The following EPS15 variants were observed in gnomAD, a reference collection of about 807,000 sequenced individuals.
The protein encoded by EPS15 is epidermal growth factor receptor pathway substrate 15.
EPS15 carries 72 observed loss-of-function variants against 113.8 expected under a neutral mutation model. That is an observed-to-expected ratio of 0.63 (90% CI 0.52 to 0.77). EPS15 has a LOEUF of 0.77. Ranked by LOEUF, EPS15 falls within the 30% of genes least tolerant of loss-of-function variation. The probability of loss-of-function intolerance (pLI) is 0.00; values close to 1 mark genes in which losing one functional copy is unlikely to be tolerated. For synonymous variants in EPS15, 344 were observed against 363.4 expected, an observed-to-expected ratio of 0.95 and a Z score of 0.61; for missense variants, 1,048 against 1,045.8, an observed-to-expected ratio of 1.00 and a Z score of -0.03.
In EPS15 at chr1:51,356,571, T is replaced by C. The variant is rs1646222547; in HGVS notation, c.*129A>G. 4.1e-6 allele frequency: 3 copies of C among 728,660 alleles called. No individual in the cohort carries two copies. Among genetic ancestry groups the C allele is most frequent in the East Asian group, 3.1e-5 (1 of 32,008 alleles). 45.1% of individuals were successfully genotyped at this position (728,660 alleles called of 1,614,324 possible). ...AGAAAAAAAAAAAATCCTAAAATTTTGTCACATTTACAGGAATCTCAAACC... is the reference window on the plus strand; with the variant it reads ...AGAAAAAAAAAAAATCCTAAAATTTCGTCACATTTACAGGAATCTCAAACC... On this transcript the variant is annotated 3_prime_UTR_variant, in exon 25 of 25. Transcript: ENST00000371733.
intron 12 of EPS15, among the ~76,000 whole-genome samples, chr1:51,428,994 C>T (rs1651470714): frequency 6.6e-6 from 1 of 152,186 alleles, no homozygotes; most frequent in African/African-American, 2.4e-5. Context: ...TGGCCTCAGG[C>T]AGTCCTCCCG....
At chr1:51,363,778 A>T in intron 23 of EPS15, 88 bp downstream of exon 23, 1 of 1,254,450 alleles carries the variant, frequency 8.0e-7, no homozygotes. Context: ...TTTCACTTAA[A>T]GCCATTTATA....
At chr1:51,365,912 A>G (rs1353531659) in intron 22 of EPS15, 41 bp downstream of exon 22, 2 of 1,359,134 alleles carry the variant, frequency 1.5e-6, no homozygotes, top group East Asian at 2.3e-5. Flanking sequence ...TTTGGTGGAA[A>G]CACAGTATGT....
chr1:51,484,339 A>T (rs1407836776), intron 1 of EPS15, among the ~76,000 whole-genome samples: 1 of 152,178 alleles, frequency 6.6e-6, no homozygotes, highest in Non-Finnish European at 1.5e-5. Context: ...AGGCAGGAGG[A>T]CTGCTTGAAA....
chr1:51,447,473 C>A (rs1036375416), intron 9 of EPS15, among the ~76,000 whole-genome samples: 6 of 151,928 alleles, frequency 3.9e-5, no homozygotes, highest in Non-Finnish European at 5.9e-5. Context: ...TTTGACCCAG[C>A]AGTGTTAACC....
chr1:51,423,445 T>C (rs373307025), intron 12 of EPS15: 2 of 985,294 alleles, frequency 2.0e-6, no homozygotes, highest in East Asian at 1.1e-4. Flanking sequence ...AAATTTTCTT[T>C]CCTCCTTATG....
intron 15 of EPS15, among the ~76,000 whole-genome samples, 174 bp downstream of exon 15, chr1:51,407,961 G>C (rs573689467): frequency 7.2e-5 from 11 of 152,244 alleles, no homozygotes; most frequent in African/African-American, 2.4e-4. Context: ...AGATATACAA[G>C]ATGTATGATA....
chr1:51,372,817 T>G, intron 21 of EPS15: 2 of 490,532 alleles, frequency 4.1e-6, no homozygotes, highest in Non-Finnish European at 6.9e-6. Flanking sequence ...GTGGACAGTC[T>G]TTACCAGCTG....
chr1:51,456,189 T>A (rs904451487), intron 8 of EPS15, among the ~76,000 whole-genome samples: 2 of 152,132 alleles, frequency 1.3e-5, no homozygotes, highest in African/African-American at 4.8e-5. Flanking sequence ...GGTTAAGAAT[T>A]TTAAAAGTAA....
chr1:51,429,455 G>A (rs963307002), intron 12 of EPS15, among the ~76,000 whole-genome samples: 2 of 151,784 alleles, frequency 1.3e-5, no homozygotes, highest in Non-Finnish European at 2.9e-5. Flanking sequence ...TAAATTTTAT[G>A]TTATGTATAT....
chr1:51,362,964 T>C (rs748826905), intron 23 of EPS15, among the ~76,000 whole-genome samples: 31 of 152,098 alleles, frequency 2.0e-4, no homozygotes, highest in Non-Finnish European at 4.3e-4. Flanking sequence ...ATACTAATTA[T>C]ACATAGAAAC....
intron 1 of EPS15, among the ~76,000 whole-genome samples, chr1:51,508,381 A>AAAGAAAGC (rs1491415512): frequency 2.7e-5 from 4 of 150,536 alleles, no homozygotes; most frequent in Non-Finnish European, 4.4e-5. Flanking sequence ...AGAAAGAAAG[A>AAAGAAAGC]AAGAGAAAAT....
At chr1:51,508,760 T>TA (rs1176766194) in intron 1 of EPS15, among the ~76,000 whole-genome samples, 2 of 152,096 alleles carry the variant, frequency 1.3e-5, no homozygotes. Flanking sequence ...TGGTCAAAGT[T>TA]AAAAATTCTT....
At chr1:51,401,777 C>T (rs573757142) in intron 18 of EPS15, among the ~76,000 whole-genome samples, 3 of 152,244 alleles carry the variant, frequency 2.0e-5, no homozygotes, top group South Asian at 2.1e-4. Flanking sequence ...CCGAGGCAGG[C>T]GGATCACCTT....
Position 51,400,941 on chromosome 1 carries a change from T to G in EPS15, c.1895A>C (p.Lys632Thr). ...SDPFVGSDPF[K>T]DDPFGKIDPF... ...ACCGATTTTTCCAAAAGGATCATCC[T>G]TGAAAGGATCACCTGTGATAAAATA... The change falls in exon 19 of 25, where the codon AAG becomes ACG. Residue 632 changes from lysine to threonine, a missense_variant. Physicochemically the swap from Lys to Thr is moderately conservative, Grantham distance 78. Transcript: ENST00000371733. 1 of 1,586,676 alleles carries G rather than the reference T, an allele frequency of 6.3e-7. No homozygotes were observed. Among genetic ancestry groups the G allele is most frequent in the Non-Finnish European group, 8.6e-7 (1 of 1,165,084 alleles).
At chr1:51,386,561 G>A (rs1171185867) in intron 21 of EPS15, among the ~76,000 whole-genome samples, 1 of 152,170 alleles carries the variant, frequency 6.6e-6, no homozygotes, top group Non-Finnish European at 1.5e-5. Context: ...CTGCAGCTGA[G>A]GGTCCTGTCT....
chr1:51,401,027 T>C, intron 18 of EPS15, 74 bp from the exon 19 acceptor site: 1 of 982,152 alleles, frequency 1.0e-6, no homozygotes, highest in South Asian at 1.6e-5. Context: ...AAAGAGTAAC[T>C]TTCAAACAAA....
At chr1:51,418,368 C>G (rs541454477) in intron 13 of EPS15, among the ~76,000 whole-genome samples, 6 of 151,832 alleles carry the variant, frequency 4.0e-5, no homozygotes, top group Non-Finnish European at 7.4e-5. Context: ...GAATACAACC[C>G]AAGAAAGGAG....
At chr1:51,505,794 T>C (rs1644489432) in intron 1 of EPS15, among the ~76,000 whole-genome samples, 1 of 152,206 alleles carries the variant, frequency 6.6e-6, no homozygotes, top group African/African-American at 2.4e-5. Context: ...ATTTTATTTT[T>C]ATTTATTTAT....
Sources: gnomAD v4.1 joint callset for allele counts (sites outside exome capture counted in the v4.1 genomes callset) on GRCh38, gnomAD v4.1.1 for gene constraint, MANE v1.5 for transcripts, NCBI Gene and HGNC (gene_info 2026-07-23, HGNC 2026-07-21) for gene names.